ANPEP: variants seen among roughly 807,000 people sequenced by gnomAD.
The protein encoded by ANPEP is alanyl aminopeptidase, membrane.
A neutral mutation model predicts 114.6 loss-of-function variants in ANPEP; 70 were observed. The ratio of observed to expected loss-of-function variants is 0.61; its 90% confidence interval spans 0.50 to 0.75. ANPEP has a LOEUF of 0.75. Among genes scored for constraint, ANPEP ranks in the 30% least tolerant of loss-of-function variants. The pLI is 0.00. For missense variants in ANPEP, 1,184 were observed against 1,259.5 expected, an observed-to-expected ratio of 0.94 and a Z score of 0.91; for synonymous variants, 548 against 522.3, an observed-to-expected ratio of 1.05 and a Z score of -0.67.
At chr15:89,791,599 A>ATTTTTTTTTTTTTTTTTTTTTT (rs10596905) in intron 18 of ANPEP, among the ~76,000 whole-genome samples, 1 of 135,280 alleles carries the variant, frequency 7.4e-6, no homozygotes, top group Non-Finnish European at 1.6e-5. Flanking sequence ...CACCATGCCT[A>ATTTTTTTTTTTTTTTTTTTTTT]TTTTTTTTTT....
rs1190154998 is a variant in ANPEP at position 89,805,230 on chromosome 15, C to T, written c.758-13G>A. On this transcript the variant is annotated splice_polypyrimidine_tract_variant and intron_variant, in intron 3 of 20. Transcript: ENST00000300060. Reference sequence around the variant, plus strand: ...GGGGTGCTGGGACCTGGGCAGGGAGCATGTGTGTGTGAGGACGTACCCTCC... The same window carrying T: ...GGGGTGCTGGGACCTGGGCAGGGAGTATGTGTGTGTGAGGACGTACCCTCC... 2 of 1,614,076 alleles carry T rather than the reference C, an allele frequency of 1.2e-6. No individual in the cohort carries two copies. Among genetic ancestry groups the T allele is most frequent in the African/African-American group, 2.7e-5 (2 of 74,932 alleles).
At chr15:89,793,913 C>A (rs1163484700) in intron 15 of ANPEP, among the ~76,000 whole-genome samples, 3 of 152,066 alleles carry the variant, frequency 2.0e-5, no homozygotes, top group African/African-American at 2.4e-5. Context: ...GTAGTGTAAG[C>A]CCCACCCCAT....
chr15:89,803,462 C>T lies in ANPEP; in HGVS notation c.1483G>A (p.Val495Ile), dbSNP rs187980947. 43 of 1,604,900 alleles carry T rather than the reference C, an allele frequency of 2.7e-5. No homozygotes were observed. The East Asian group carries it at 5.2e-4, about 19-fold the overall frequency. ...CTCACCGCCAGGCCCTGCTTGAATACGTCCTCGGACAGGAAGCTGGAGAGC... is the reference window on the plus strand; with the variant it reads ...CTCACCGCCAGGCCCTGCTTGAATATGTCCTCGGACAGGAAGCTGGAGAGC... The part of the protein sequence containing the change: ...RMLSSFLSED[V>I]FKQGLASYLH... The change falls in exon 9 of 21, where the codon GTA becomes ATA. Residue 495 changes from valine (V) to isoleucine (I), a missense_variant. Physicochemically the swap from Val to Ile is conservative, Grantham distance 29 (BLOSUM62 3). Transcript: ENST00000300060. The surrounding 1 kb of genome is among the most constrained non-coding windows in gnomAD (Gnocchi z 4.2).
In ANPEP at chr15:89,804,007, G is replaced by C. The variant is rs535852628; in HGVS notation, c.1180-5C>G. On this transcript the variant is annotated splice_region_variant and splice_polypyrimidine_tract_variant and intron_variant, in intron 6 of 20. Transcript: ENST00000300060. ...GGTCACCAGGTTCCCGAACCACTGT[G>C]GGGGGAGGGGTCAGCTGGGCAAGCC... 1.9e-5 allele frequency: 31 copies of C among 1,613,372 alleles called. No individual in the cohort carries two copies. The highest frequency in any genetic ancestry group is 8.9e-5 in the East Asian group (4 of 44,880).
In ANPEP at chr15:89,805,448, T is replaced by A. The variant is rs760137606; in HGVS notation, c.630A>T (p.Thr210=). 2.5e-6 allele frequency: 4 copies of A among 1,614,014 alleles called. No individual in the cohort carries two copies. The East Asian group carries it at 8.9e-5, about 36-fold the overall frequency. Residue 210 remains threonine, a synonymous_variant, in exon 3 of 21, where the codon ACA becomes ACT. Transcript: ENST00000300060. The part of the protein sequence containing the change: ...EGNVRKVVAT[T]QMQAADARKS... ...TCCGGGCATCTGCAGCCTGCATCTG[T>A]GTAGTGGCCACCACCCTGCCCCAAC...
intron 1 of ANPEP, among the ~76,000 whole-genome samples, chr15:89,813,247 T>C (rs1894846978): frequency 1.3e-5 from 2 of 152,150 alleles, no homozygotes; most frequent in Non-Finnish European, 2.9e-5. Context: ...TGGACCCAGT[T>C]CCAACACCTT....
intron 1 of ANPEP, among the ~76,000 whole-genome samples, chr15:89,811,761 T>C (rs1456672387): frequency 6.6e-6 from 1 of 152,072 alleles, no homozygotes; most frequent in Non-Finnish European, 1.5e-5. Flanking sequence ...CTGTATGATG[T>C]TGGGGTTGCT....
At chr15:89,788,430 T>C (rs925109131) in intron 20 of ANPEP, among the ~76,000 whole-genome samples, 1 of 152,126 alleles carries the variant, frequency 6.6e-6, no homozygotes, top group African/African-American at 2.4e-5. Context: ...AATAAATCCA[T>C]AGAGACAGAA....
At position 89,812,383 on chromosome 15, in the gene ANPEP, G is replaced by A. The variant is rs559795647; in HGVS notation, c.-224+2389C>T. Among the ~76,000 whole-genome samples the A allele has an allele frequency of 2.3e-3, 350 of 152,356 alleles. 2 individuals carry two copies. The highest frequency in any genetic ancestry group is 8.1e-3 in the African/African-American group (335 of 41,588). ...CTGGGCCAGGGCACACTCTGTCCCC[G>A]CAGGCCCCTGGCTTTCTCCCAGGCT... On this transcript the variant is annotated intron_variant, in intron 1 of 20. Transcript: ENST00000300060.
At chr15:89,813,531 G>A (rs1163667631) in intron 1 of ANPEP, among the ~76,000 whole-genome samples, 2 of 152,122 alleles carry the variant, frequency 1.3e-5, no homozygotes, top group Non-Finnish European at 2.9e-5. Flanking sequence ...TCGAGGCTAG[G>A]GCTCCACAGG....
At chr15:89,801,836 C>T (rs922705127) in intron 10 of ANPEP, among the ~76,000 whole-genome samples, 1 of 152,216 alleles carries the variant, frequency 6.6e-6, no homozygotes, top group African/African-American at 2.4e-5. Context: ...ATGAGGCCCT[C>T]CATTCTGTGG....
Position 89,813,997 on chromosome 15 carries a change from G to T in ANPEP, c.-224+775C>A, listed in dbSNP as rs866531241. On this transcript the variant is annotated intron_variant, in intron 1 of 20. Coordinates refer to ENST00000300060, the MANE Select transcript of ANPEP (RefSeq NM_001150.3). ...TCCCTGCCCACCGCACTGCTGGGGG[G>T]GGGGGGTGCGTTCTGGAGTCATTTG... 2.6e-4 allele frequency among the ~76,000 whole-genome samples: 32 copies of T among 125,024 alleles called. 3 individuals carry two copies. Among genetic ancestry groups the T allele is most frequent in the Admixed American group, 5.0e-4 (5 of 10,022 alleles). The allele number at this position is 125,024 out of a possible 152,430, so 82.0% of individuals were successfully genotyped here.
chr15:89,793,959 G>A (rs1179126589), intron 15 of ANPEP, among the ~76,000 whole-genome samples: 1 of 152,116 alleles, frequency 6.6e-6, no homozygotes, highest in Admixed American at 6.6e-5. Context: ...GGTTTGACAT[G>A]GCAGGTTGAT....
chr15:89,792,064 G>A (rs962141184), intron 18 of ANPEP, 96 bp downstream of exon 18: 1 of 1,409,052 alleles, frequency 7.1e-7, no homozygotes, highest in Non-Finnish European at 9.7e-7. Context: ...AGGTCTGTGG[G>A]GGTCACGTGA....
intron 1 of ANPEP, among the ~76,000 whole-genome samples, chr15:89,810,321 GTGAGCCGAGAT>G (rs1475292077): frequency 6.6e-6 from 1 of 152,190 alleles, no homozygotes; most frequent in African/African-American, 2.4e-5. Context: ...AGAGGTTGCA[GTGAGCCGAGAT>G]TGTGCCACTG....
rs372928964 is a variant in ANPEP at position 89,806,631 on chromosome 15, C to A, written c.-48G>T. The A allele has an allele frequency of 1.3e-6, 2 of 1,506,568 alleles. No individual in the cohort carries two copies. Among genetic ancestry groups the A allele is most frequent in the Admixed American group, 2.3e-5 (1 of 44,376 alleles). 93.3% of individuals were successfully genotyped at this position (1,506,568 alleles called of 1,614,324 possible). ...AGGGAGCCTCAGGCCAGGCAGAGAA[C>A]GGAGCAGCCCCAGGCCGGGCTTATA... On this transcript the variant is annotated 5_prime_UTR_variant, in exon 2 of 21. Transcript: ENST00000300060. This position sits in a 1 kb window ranked among gnomAD's most constrained non-coding sequence, Gnocchi z 5.7.
chr15:89,801,073 G>A (rs758593217), intron 12 of ANPEP, 38 bp downstream of exon 12: 2 of 1,576,532 alleles, frequency 1.3e-6, no homozygotes, highest in South Asian at 1.1e-5. Context: ...TAGGAGTATG[G>A]GGTGGGGGCT....
At position 89,812,036 on chromosome 15, in the gene ANPEP, A is replaced by G. The variant is rs138294764; in HGVS notation, c.-224+2736T>C. Among the ~76,000 whole-genome samples the G allele has an allele frequency of 4.2e-3, 637 of 152,378 alleles. 5 individuals carry two copies. Among genetic ancestry groups the G allele is most frequent in the African/African-American group, 0.015 (606 of 41,594 alleles). On this transcript the variant is annotated intron_variant, in intron 1 of 20. Transcript: ENST00000300060. Reference sequence around the variant, plus strand: ...GCCAGGGCATAACTAAGTCACAGTCACAGTGTGGAAGACACCCACACTTGT... The same window carrying G: ...GCCAGGGCATAACTAAGTCACAGTCGCAGTGTGGAAGACACCCACACTTGT...
At chr15:89,797,032 C>T (rs1375022481) in intron 15 of ANPEP, among the ~76,000 whole-genome samples, 1 of 152,212 alleles carries the variant, frequency 6.6e-6, no homozygotes, top group Non-Finnish European at 1.5e-5. Flanking sequence ...CAAGCGGGAG[C>T]CTCAGCCCTC....
Sources: allele counts gnomAD v4.1 joint callset (sites outside exome capture counted in the v4.1 genomes callset), GRCh38; gene constraint gnomAD v4.1.1; non-coding constraint Gnocchi (gnomAD v3.1); transcripts MANE v1.5; gene names NCBI Gene and HGNC (gene_info 2026-07-23, HGNC 2026-07-21).